The following STK3 variants were observed in gnomAD, a reference collection of about 807,000 sequenced individuals.
STK3 encodes serine/threonine-protein kinase 3.
STK3 carries 41 observed loss-of-function variants against 58.0 expected under a neutral mutation model. That is an observed-to-expected ratio of 0.71 (90% CI 0.55 to 0.92). The LOEUF (loss-of-function observed/expected upper bound fraction) is 0.92. STK3 is among the 40% of genes least tolerant of loss of function. The probability of loss-of-function intolerance (pLI) is 0.00; values close to 1 mark genes in which losing one functional copy is unlikely to be tolerated. For missense variants in STK3, 479 were observed against 602.7 expected, an observed-to-expected ratio of 0.79 and a Z score of 2.15; for synonymous variants, 170 against 191.0, an observed-to-expected ratio of 0.89 and a Z score of 0.91.
rs1587558823 is a variant in STK3, at chr8:98,766,956, T to C, written c.236+287A>G. On this transcript the variant is annotated intron_variant, in intron 3 of 10. Transcript: ENST00000419617. ...TGACCAACATGGAGAAACCCATCTCTACTAAAAATACAAAATTAGCCAGGC... is the reference window on the plus strand; with the variant it reads ...TGACCAACATGGAGAAACCCATCTCCACTAAAAATACAAAATTAGCCAGGC... Among the ~76,000 whole-genome samples, 8 of 152,182 alleles carry C rather than the reference T, an allele frequency of 5.3e-5. No individual in the cohort carries two copies. The South Asian group carries it at 1.7e-3, about 32-fold the overall frequency.
intron 10 of STK3, among the ~76,000 whole-genome samples, chr8:98,479,655 C>T (rs566740883): frequency 2.1e-4 from 32 of 152,218 alleles, no homozygotes; most frequent in African/African-American, 6.0e-4. Context: ...CACATTCTTC[C>T]CCCTCCACAA....
intron 1 of STK3, among the ~76,000 whole-genome samples, chr8:98,924,909 G>A (rs1364129339): frequency 6.6e-6 from 1 of 152,158 alleles, no homozygotes; most frequent in African/African-American, 2.4e-5. Flanking sequence ...CCTCAGAATT[G>A]TTGCTGGTGT....
intron 6 of STK3, among the ~76,000 whole-genome samples, chr8:98,604,662 C>G (rs1353115449): frequency 6.6e-6 from 1 of 152,230 alleles, no homozygotes; most frequent in African/African-American, 2.4e-5. Context: ...CAAGTCTCAA[C>G]TGTTGCCTTC....
Position 98,774,738 on chromosome 8 carries a change from C to A in STK3, c.107+1G>T. ...CATGCTTTCATACTTTTTGTACTTA[C>A]CCTTCTCCAAGCTTCTCTAATACAT... On this transcript the variant is annotated splice_donor_variant, in intron 2 of 10. Coordinates refer to ENST00000419617, the MANE Select transcript of STK3 (RefSeq NM_006281.4). LOFTEE classifies it high-confidence loss of function. 1 of 1,573,816 alleles carries A rather than the reference C, an allele frequency of 6.4e-7. No individual in the cohort carries two copies. Among genetic ancestry groups the A allele is most frequent in the South Asian group, 1.2e-5 (1 of 82,572 alleles).
chr8:98,553,457 C>T (rs2131603338), intron 8 of STK3: 1 of 152,122 alleles, frequency 6.6e-6, no homozygotes, highest in South Asian at 2.1e-4. Context: ...ATGTTAAATG[C>T]CTCATTATGA....
intron 6 of STK3, among the ~76,000 whole-genome samples, chr8:98,663,832 G>A (rs981750235): frequency 2.6e-5 from 4 of 152,110 alleles, no homozygotes; most frequent in Admixed American, 6.5e-5. Flanking sequence ...GAGAACACAA[G>A]TTGTATTTCT....
intron 4 of STK3, among the ~76,000 whole-genome samples, chr8:98,736,138 T>C (rs1181995043): frequency 1.3e-5 from 2 of 152,190 alleles, no homozygotes; most frequent in Admixed American, 1.3e-4. Flanking sequence ...ATAGCATTTA[T>C]TGTGCTTTCT....
intron 10 of STK3, among the ~76,000 whole-genome samples, chr8:98,509,031 G>A (rs1247008671): frequency 6.6e-6 from 1 of 151,930 alleles, no homozygotes; most frequent in African/African-American, 2.4e-5. Flanking sequence ...TGCCCAATCA[G>A]GTACTAACTA....
intron 3 of STK3, among the ~76,000 whole-genome samples, chr8:98,858,420 G>C (rs1836794372): frequency 6.8e-6 from 1 of 146,172 alleles, no homozygotes; most frequent in Non-Finnish European, 1.5e-5. Flanking sequence ...ACCTACCTTG[G>C]CCTCCCAAAG....
intron 6 of STK3, among the ~76,000 whole-genome samples, chr8:98,670,921 G>T (rs1326159816): frequency 6.6e-6 from 1 of 152,208 alleles, no homozygotes. Flanking sequence ...CCCACTGAAT[G>T]TGGGGGCTGA....
chr8:98,438,036 C>G, intron 1 of STK3: 1 of 152,382 alleles, frequency 6.6e-6, no homozygotes. Flanking sequence ...GTCCTTTCCT[C>G]TACACTGGGA....
chr8:98,769,447 T>C (rs974312170), intron 2 of STK3, among the ~76,000 whole-genome samples: 3 of 152,214 alleles, frequency 2.0e-5, no homozygotes, highest in Admixed American at 6.5e-5. Flanking sequence ...CTGCCATCCA[T>C]GTACGATGTG....
intron 1 of STK3, among the ~76,000 whole-genome samples, chr8:98,895,586 T>C (rs180967202): frequency 6.6e-6 from 1 of 152,206 alleles, no homozygotes; most frequent in Non-Finnish European, 1.5e-5. Flanking sequence ...CTTTCTATGC[T>C]GCTGTCCTTA....
intron 2 of STK3, among the ~76,000 whole-genome samples, chr8:98,767,654 C>T (rs552544094): frequency 3.9e-5 from 6 of 152,168 alleles, no homozygotes; most frequent in African/African-American, 1.4e-4. Context: ...CAAACAAATG[C>T]AGCATTAAGA....
At chr8:98,433,871 T>C (rs986361403) in intron 3 of STK3, among the ~76,000 whole-genome samples, 2 of 152,244 alleles carry the variant, frequency 1.3e-5, no homozygotes, top group Non-Finnish European at 2.9e-5. Flanking sequence ...TTTAAAATCA[T>C]CAGCTTGTCT....
intron 1 of STK3, among the ~76,000 whole-genome samples, chr8:98,813,983 C>T (rs1424906453): frequency 6.6e-6 from 1 of 152,106 alleles, no homozygotes; most frequent in Non-Finnish European, 1.5e-5. Context: ...TAATCCAGTT[C>T]GTTGTAAGTA....
downstream of STK3, among the ~76,000 whole-genome samples, chr8:98,368,796 T>C (rs899301599): frequency 6.6e-6 from 1 of 152,224 alleles, no homozygotes; most frequent in African/African-American, 2.4e-5. Flanking sequence ...TTTCCAGCCC[T>C]GGTCCTGGCT....
At chr8:98,884,357 T>A (rs1431271603) in intron 1 of STK3, among the ~76,000 whole-genome samples, 2 of 152,214 alleles carry the variant, frequency 1.3e-5, no homozygotes, top group East Asian at 1.9e-4. Flanking sequence ...TTAATTTTTT[T>A]AAATAAAAAA....
At chr8:98,511,919 G>A (rs1586745440) in intron 10 of STK3, among the ~76,000 whole-genome samples, 3 of 151,774 alleles carry the variant, frequency 2.0e-5, no homozygotes, top group East Asian at 1.9e-4. Flanking sequence ...TTTTAGTTAC[G>A]AAACAGAAAC....
Sources: allele counts gnomAD v4.1 joint callset (sites outside exome capture counted in the v4.1 genomes callset), GRCh38; gene constraint gnomAD v4.1.1; transcripts MANE v1.5; gene names NCBI Gene and HGNC (gene_info 2026-07-23, HGNC 2026-07-21).